The following CFAP47 variants were observed in gnomAD, a reference collection of about 807,000 sequenced individuals.
The protein encoded by CFAP47 is cilia and flagella associated protein 47.
Under a neutral mutation model 148.1 loss-of-function variants are expected in CFAP47, and 29 were observed. That is an observed-to-expected ratio of 0.20 (90% CI 0.15 to 0.27). The LOEUF is 0.27. Ranked by LOEUF, CFAP47 falls within the 10% of genes least tolerant of loss-of-function variation. The pLI, the probability that CFAP47 is intolerant of heterozygous loss-of-function variation, is 1.00. For missense variants in CFAP47, 1,872 were observed against 1,697.5 expected (o/e 1.10, Z -1.81); for synonymous variants, 664 against 577.3 (o/e 1.15, Z -2.15).
At chrX:36,293,133 T>C (rs951835327) in intron 51 of CFAP47, among the ~76,000 whole-genome samples, 1 of 111,393 alleles carries the variant, frequency 9.0e-6, no homozygotes, top group Admixed American at 9.6e-5. Context: ...TGCATGGAGC[T>C]ACCATTCTAG....
At chrX:36,203,955 T>C (rs934741588) in intron 44 of CFAP47, among the ~76,000 whole-genome samples, 1 of 111,794 alleles carries the variant, frequency 8.9e-6, no homozygotes, top group Non-Finnish European at 1.9e-5. Context: ...AAAATTGTCT[T>C]TAGTGAAATA....
intron 50 of CFAP47, among the ~76,000 whole-genome samples, chrX:36,283,197 T>C (rs782549236): frequency 3.6e-5 from 4 of 111,813 alleles, no homozygotes; most frequent in Non-Finnish European, 7.5e-5. Context: ...TATTCAGGAA[T>C]TTCTAAAATC....
intron 62 of CFAP47, among the ~76,000 whole-genome samples, chrX:36,368,419 G>C (rs1234330194): frequency 1.8e-5 from 2 of 111,157 alleles, no homozygotes; most frequent in African/African-American, 3.3e-5. Context: ...AGACAGATTG[G>C]AGAGGCTTTA....
At chrX:36,262,361 C>CCAACCCCCCACTACCCTTCCCAG (rs2146931407) in intron 49 of CFAP47, among the ~76,000 whole-genome samples, 2 of 111,608 alleles carry the variant, frequency 1.8e-5, no homozygotes, top group African/African-American at 6.5e-5. Flanking sequence ...CTACCTCCCA[C>CCAACCCCCCACTACCCTTCCCAG]CAACCCCCCA....
chrX:36,052,688 C>G lies in CFAP47; in HGVS notation c.4217+5625C>G, dbSNP rs1937525561. Reference sequence around the variant, plus strand: ...AACCATGTTATGGGTTTATAAACAACTTTTGCTGCATAATAAAGCTTCTTA... The same window carrying G: ...AACCATGTTATGGGTTTATAAACAAGTTTTGCTGCATAATAAAGCTTCTTA... On this transcript the variant is annotated intron_variant, in intron 26 of 63. Coordinates refer to ENST00000378653, the MANE Select transcript of CFAP47 (RefSeq NM_001304548.2). Among the ~76,000 whole-genome samples, 5 of 112,329 alleles carry G rather than the reference C, an allele frequency of 4.5e-5. No individual in the cohort carries two copies. In the South Asian group the frequency reaches 1.8e-3, roughly 41 times the overall value.
rs1940301231 is a variant in CFAP47, at chrX:36,228,789, C to A, written c.6979C>A (p.Pro2327Thr). Reference protein sequence around the residue: ...QPEAKFEFETPAFEALTQNIP... With the variant: ...QPEAKFEFETTAFEALTQNIP... The stretch of plus-strand genomic sequence containing the variant: ...AGAGGCCAAATTTGAGTTTGAAACA[C>A]CAGCATTTGAAGCCCTTACTCAGAA... The change falls in exon 46 of 64, where the codon CCA becomes ACA. Residue 2327 changes from proline (P) to threonine (T), a missense_variant. By Grantham distance (38) the Pro-to-Thr change is conservative. Coordinates refer to ENST00000378653, the MANE Select transcript of CFAP47 (RefSeq NM_001304548.2). The A allele has an allele frequency of 1.9e-6, 1 of 522,548 alleles. No homozygotes were observed. Among genetic ancestry groups the A allele is most frequent in the African/African-American group, 2.3e-5 (1 of 43,042 alleles). 43.1% of individuals were successfully genotyped at this position (522,548 alleles called of 1,213,427 possible). A position where few individuals can be genotyped will look rare whatever the true frequency, so the allele number is the denominator to read the frequency against.
intron 3 of CFAP47, among the ~76,000 whole-genome samples, chrX:35,946,481 G>C (rs1936087080): frequency 9.0e-6 from 1 of 110,822 alleles, no homozygotes. Flanking sequence ...TTTTCTTACA[G>C]AATGGAGTCA....
intron 57 of CFAP47, among the ~76,000 whole-genome samples, chrX:36,321,721 T>C (rs1941480745): frequency 8.9e-6 from 1 of 111,928 alleles, no homozygotes; most frequent in Admixed American, 9.5e-5. Flanking sequence ...AATGTATGAA[T>C]AAATATACTT....
intron 44 of CFAP47, among the ~76,000 whole-genome samples, chrX:36,204,470 C>T (rs1940018043): frequency 9.1e-6 from 1 of 110,449 alleles, no homozygotes; most frequent in South Asian, 3.9e-4. Context: ...GGAGATATAC[C>T]TAATGCTAAA....
chrX:35,972,068 A>G, intron 13 of CFAP47, 103 bp downstream of exon 13: 2 of 530,927 alleles, frequency 3.8e-6, no homozygotes, highest in Non-Finnish European at 6.1e-6. Context: ...TGCAAGTATC[A>G]ACTTTGGAAA....
chrX:36,308,807 G>T (rs1602102420), intron 55 of CFAP47, among the ~76,000 whole-genome samples: 1 of 110,658 alleles, frequency 9.0e-6, no homozygotes, highest in East Asian at 2.8e-4. Context: ...GCTGGATTGA[G>T]GGAAATGGCT....
intron 62 of CFAP47, chrX:36,368,092 T>C (rs1288318137): frequency 3.6e-5 from 4 of 111,149 alleles, no homozygotes; most frequent in Non-Finnish European, 7.6e-5. Context: ...CTGTCCAAAC[T>C]TGAACCTTTT....
At chrX:36,265,253 A>G (rs1556000869) in intron 49 of CFAP47, among the ~76,000 whole-genome samples, 1 of 111,683 alleles carries the variant, frequency 9.0e-6, no homozygotes, top group African/African-American at 3.3e-5. Context: ...TTGTGGGTTG[A>G]TTTTGTATCC....
intron 27 of CFAP47, among the ~76,000 whole-genome samples, chrX:36,071,394 G>A (rs73468988): frequency 0.026 from 2,904 of 112,187 alleles, 91 homozygotes; most frequent in African/African-American, 0.089. Context: ...AAGCTGTGAT[G>A]TTATTACAGA....
At chrX:36,162,174 AT>A (rs1939438647) in intron 39 of CFAP47, among the ~76,000 whole-genome samples, 1 of 112,347 alleles carries the variant, frequency 8.9e-6, no homozygotes, top group Non-Finnish European at 1.9e-5. Context: ...TGTATCTCAG[AT>A]TTAATTAAAA....
At chrX:36,303,289 C>A (rs782378186) in intron 53 of CFAP47, among the ~76,000 whole-genome samples, 5 of 111,521 alleles carry the variant, frequency 4.5e-5, no homozygotes, top group Non-Finnish European at 9.4e-5. Flanking sequence ...TGGGCTAGAG[C>A]GATCCTCCTG....
At chrX:36,219,487 G>A (rs1555990548) in intron 45 of CFAP47, among the ~76,000 whole-genome samples, 1 of 110,901 alleles carries the variant, frequency 9.0e-6, no homozygotes, top group Non-Finnish European at 1.9e-5. Context: ...AAGTGGTTGG[G>A]GTTATATTTT....
chrX:36,206,914 C>T (rs782485632), intron 45 of CFAP47, among the ~76,000 whole-genome samples: 2 of 112,154 alleles, frequency 1.8e-5, no homozygotes, highest in African/African-American at 6.4e-5. Context: ...ATGTCTAACT[C>T]GATTTTCTGT....
intron 42 of CFAP47, among the ~76,000 whole-genome samples, chrX:36,195,584 G>C (rs1939911267): frequency 8.9e-6 from 1 of 111,765 alleles, no homozygotes; most frequent in South Asian, 3.7e-4. Flanking sequence ...TTACAGGTTG[G>C]AGAAAGGAAC....
Sources: allele counts gnomAD v4.1 joint callset (sites outside exome capture counted in the v4.1 genomes callset), GRCh38; gene constraint gnomAD v4.1.1; transcripts MANE v1.5; gene names NCBI Gene and HGNC (gene_info 2026-07-23, HGNC 2026-07-21).